USPL1: variants seen among roughly 807,000 people sequenced by gnomAD.
USPL1 encodes SUMO-specific isopeptidase USPL1.
A neutral mutation model predicts 51.5 loss-of-function variants in USPL1; 27 were observed. That is an observed-to-expected ratio of 0.52 (90% CI 0.39 to 0.72). The LOEUF (loss-of-function observed/expected upper bound fraction) is 0.72. Ranked by LOEUF, USPL1 falls within the 30% of genes least tolerant of loss-of-function variation. USPL1 has a pLI of 0.00. For synonymous variants in USPL1, 451 were observed against 459.6 expected (o/e 0.98, Z 0.24); for missense variants, 1,226 against 1,268.0 (o/e 0.97, Z 0.50).
intron 4 of USPL1, among the ~76,000 whole-genome samples, chr13:30,636,959 T>C (rs1226540688): frequency 6.6e-6 from 1 of 152,226 alleles, no homozygotes; most frequent in Non-Finnish European, 1.5e-5. Flanking sequence ...GTTTTTGTTT[T>C]TGTTTTTTGA....
intron 6 of USPL1, 110 bp from the exon 7 acceptor site, chr13:30,646,821 GA>G: frequency 8.3e-7 from 1 of 1,211,294 alleles, no homozygotes. Context: ...ATGATTTGGG[GA>G]AATAAGAAAG....
At chr13:30,627,669 TA>T (rs1415029693) in intron 3 of USPL1, among the ~76,000 whole-genome samples, 2 of 152,030 alleles carry the variant, frequency 1.3e-5, no homozygotes, top group Admixed American at 6.6e-5. Flanking sequence ...TTTTTTCTCT[TA>T]AAAAAATTTG....
In USPL1 at chr13:30,621,248, A is replaced by G. The variant is rs1950643518; in HGVS notation, c.99+9A>G. 2 of 1,565,006 alleles carry G rather than the reference A, an allele frequency of 1.3e-6. No homozygotes were observed. The highest frequency in any genetic ancestry group is 1.7e-6 in the Non-Finnish European group (2 of 1,162,428). ...TGGGGTATTTGGGAAAAGTTAGTGA[A>G]CTTATTTTTTGCCTGAGTGCAAAGT... On this transcript the variant is annotated intron_variant, in intron 2 of 8. Coordinates refer to ENST00000255304, the MANE Select transcript of USPL1 (RefSeq NM_005800.5).
chr13:30,619,817 T>G (rs966546051), intron 1 of USPL1, among the ~76,000 whole-genome samples: 3 of 152,136 alleles, frequency 2.0e-5, no homozygotes, highest in African/African-American at 7.2e-5. Flanking sequence ...AAGTTGTCTG[T>G]GCCTAAAAAG....
intron 3 of USPL1, among the ~76,000 whole-genome samples, chr13:30,622,634 G>A (rs1051466144): frequency 6.6e-6 from 1 of 152,180 alleles, no homozygotes; most frequent in African/African-American, 2.4e-5. Flanking sequence ...GTTTATTCCA[G>A]CAAAAAATTA....
chr13:30,642,520 C>A, intron 5 of USPL1, 108 bp from the exon 6 acceptor site: 1 of 1,370,738 alleles, frequency 7.3e-7, no homozygotes, highest in East Asian at 2.3e-5. Context: ...ACTGTATTAA[C>A]ACATATTCAT....
intron 2 of USPL1, 132 bp from the exon 3 acceptor site, chr13:30,621,632 G>T: frequency 1.5e-6 from 1 of 675,804 alleles, no homozygotes. Flanking sequence ...TGTTTGCCAT[G>T]TTTAAAATAC....
chr13:30,653,191 C>A lies in USPL1; in HGVS notation c.1282C>A (p.Gln428Lys). The change falls in exon 8 of 9, where the codon CAG becomes AAG. Residue 428 changes from glutamine (Q) to lysine (K), a missense_variant. By Grantham distance (53) the Gln-to-Lys change is moderately conservative. Coordinates refer to ENST00000255304, the MANE Select transcript of USPL1 (RefSeq NM_005800.5). ...GTTGCACTTTGTAGAAGGCTTACCA[C>A]AGAATGACTTGCAGCACTATGCATT... Reference protein sequence around the residue: ...FMLHFVEGLPQNDLQHYAFHF... With the variant: ...FMLHFVEGLPKNDLQHYAFHF... 6.2e-7 allele frequency: 1 copy of A among 1,612,346 alleles called. No homozygotes were observed. The highest frequency in any genetic ancestry group is 8.5e-7 in the Non-Finnish European group (1 of 1,178,798).
intron 3 of USPL1, among the ~76,000 whole-genome samples, chr13:30,630,460 G>C (rs1436718640): frequency 6.6e-6 from 1 of 152,178 alleles, no homozygotes; most frequent in Non-Finnish European, 1.5e-5. Context: ...TTTAAAATGT[G>C]TAGTATAATG....
intron 1 of USPL1, among the ~76,000 whole-genome samples, chr13:30,619,307 T>C (rs1325045457): frequency 6.6e-6 from 1 of 152,180 alleles, no homozygotes; most frequent in African/African-American, 2.4e-5. Context: ...ATTAAATGAA[T>C]TTTCTTTTGG....
rs1357156872 is a variant in USPL1 at position 30,642,679 on chromosome 13, C to G, written c.1034C>G (p.Thr345Ser). 6.2e-7 allele frequency: 1 copy of G among 1,613,842 alleles called. No homozygotes were observed. Among genetic ancestry groups the G allele is most frequent in the Admixed American group, 1.7e-5 (1 of 60,006 alleles). Residue 345 changes from threonine to serine, a missense_variant, in exon 6 of 9, where the codon ACC becomes AGC. Coordinates refer to ENST00000255304, the MANE Select transcript of USPL1 (RefSeq NM_005800.5). ...TTTCCCCTGCTCTTAAAACTAGAAA[C>G]CCACATTGAAAAGCTCTTCCTATAT... ...FAFPLLLKLE[T>S]HIEKLFLYSF... is the part of the protein sequence containing the mutation.
In USPL1 at chr13:30,643,597, T is replaced by TCCC. The variant is rs201886838; in HGVS notation, c.1112+842_1112+843insCCC. ...AATTATTACAATAGAAATAACTCTT[T>TCCC]CCACCCCCCCCCGCCCTTTTTTTTT... On this transcript the variant is annotated intron_variant, in intron 6 of 8. Coordinates refer to ENST00000255304, the MANE Select transcript of USPL1 (RefSeq NM_005800.5). 3.2e-3 allele frequency among the ~76,000 whole-genome samples: 278 copies of TCCC among 86,826 alleles called. 6 individuals carry two copies. Among genetic ancestry groups the TCCC allele is most frequent in the African/African-American group, 0.011 (143 of 12,800 alleles). 57.0% of individuals were successfully genotyped at this position (86,826 alleles called of 152,430 possible). A position where few individuals can be genotyped will look rare whatever the true frequency, so the allele number is the denominator to read the frequency against.
intron 3 of USPL1, among the ~76,000 whole-genome samples, chr13:30,624,190 G>C (rs999479338): frequency 6.6e-6 from 1 of 152,172 alleles, no homozygotes; most frequent in East Asian, 1.9e-4. Context: ...TACCCATTTG[G>C]TGTCCTCTGG....
In USPL1 at chr13:30,658,651, A is replaced by C. The variant is rs376279324; in HGVS notation, c.2574A>C (p.Ser858=). 4.3e-6 allele frequency: 7 copies of C among 1,614,108 alleles called. No homozygotes were observed. The South Asian group carries it at 6.6e-5, about 15-fold the overall frequency. ...SEVLEKSGST[S]CGAQLNHSSY... is the part of the protein sequence containing the mutation. Reference sequence around the variant, plus strand: ...TTTTGGAAAAGTCTGGAAGCACCTCATGTGGAGCTCAACTCAACCACAGTT... The same window carrying C: ...TTTTGGAAAAGTCTGGAAGCACCTCCTGTGGAGCTCAACTCAACCACAGTT... The change falls in exon 9 of 9, where the codon TCA becomes TCC. Residue 858 remains serine (S), a synonymous_variant. Transcript: ENST00000255304.
intron 4 of USPL1, among the ~76,000 whole-genome samples, chr13:30,634,612 G>C (rs1158049837): frequency 6.6e-6 from 1 of 152,060 alleles, no homozygotes; most frequent in African/African-American, 2.4e-5. Context: ...TCATCTACCT[G>C]TCAGTGGACA....
chr13:30,634,383 G>A (rs750609031), intron 4 of USPL1, among the ~76,000 whole-genome samples: 7 of 152,142 alleles, frequency 4.6e-5, no homozygotes, highest in African/African-American at 9.7e-5. Flanking sequence ...GGAATTTTCC[G>A]CTTAATATTT....
chr13:30,635,652 C>A, intron 4 of USPL1, among the ~76,000 whole-genome samples: 1 of 152,112 alleles, frequency 6.6e-6, no homozygotes, highest in East Asian at 1.9e-4. Flanking sequence ...TGACATCATA[C>A]CAAGCTTTCT....
chr13:30,631,968 TG>T (rs1289923901), intron 4 of USPL1, among the ~76,000 whole-genome samples: 10 of 111,222 alleles, frequency 9.0e-5, no homozygotes, highest in African/African-American at 4.1e-4. Flanking sequence ...GCAGTTTTTT[TG>T]TTTTTTTTTT....
chr13:30,623,676 A>G (rs543814518), intron 3 of USPL1, among the ~76,000 whole-genome samples: 17 of 152,304 alleles, frequency 1.1e-4, no homozygotes, highest in African/African-American at 4.1e-4. Flanking sequence ...ATAGCCTCAG[A>G]TGGGGCAAGT....
Sources: gnomAD v4.1 joint callset for allele counts (sites outside exome capture counted in the v4.1 genomes callset) on GRCh38, gnomAD v4.1.1 for gene constraint, MANE v1.5 for transcripts, NCBI Gene and HGNC (gene_info 2026-07-23, HGNC 2026-07-21) for gene names.